Variants in MAGEB10 observed in about 807,000 individuals in gnomAD.
MAGEB10 encodes the protein MAGE family member B10.
For missense variants in MAGEB10, 190 were observed against 261.9 expected (o/e 0.73, Z 1.89); for synonymous variants, 99 against 101.0 (o/e 0.98, Z 0.12).
At chrX:27,814,548 A>G (rs922726362) in intron 1 of MAGEB10, among the ~76,000 whole-genome samples, 2 of 112,028 alleles carry the variant, frequency 1.8e-5, no homozygotes, top group African/African-American at 6.5e-5. Flanking sequence ...ATATTTTCGG[A>G]CATCTCTTGC....
chrX:27,822,145 A>G lies in MAGEB10; in HGVS notation c.839A>G (p.His280Arg). 2 of 1,212,190 alleles carry G rather than the reference A, an allele frequency of 1.6e-6. No homozygotes were observed. Among genetic ancestry groups the G allele is most frequent in the South Asian group, 1.8e-5 (1 of 57,023 alleles). Residue 280 changes from histidine (H) to arginine (R), a missense_variant, in exon 3 of 3, where the codon CAT becomes CGT. Coordinates refer to ENST00000356790, the MANE Select transcript of MAGEB10 (RefSeq NM_182506.3). ...RYQFLWGPRAHAETSKMKVLE... is the reference protein window; with the variant it reads ...RYQFLWGPRARAETSKMKVLE... ...CAATTCCTATGGGGCCCAAGAGCCC[A>G]TGCTGAAACCAGCAAGATGAAAGTT...
intron 2 of MAGEB10, among the ~76,000 whole-genome samples, chrX:27,819,453 C>T (rs1427940452): frequency 9.0e-6 from 1 of 111,315 alleles, no homozygotes; most frequent in Non-Finnish European, 1.9e-5. Context: ...AAGAGAGTTC[C>T]AGAGATTTCC....
intron 2 of MAGEB10, among the ~76,000 whole-genome samples, chrX:27,818,820 C>T (rs55758460): frequency 0.37 from 40,362 of 110,562 alleles, 6,488 homozygotes; most frequent in Non-Finnish European, 0.5. Flanking sequence ...TGACTTGATT[C>T]GAATCAACTG....
chrX:27,820,136 A>G (rs1923855798), intron 2 of MAGEB10, among the ~76,000 whole-genome samples: 1 of 111,710 alleles, frequency 9.0e-6, no homozygotes, highest in Non-Finnish European at 1.9e-5. Context: ...GAGTGAGATC[A>G]GAAGGAACCA....
intron 1 of MAGEB10, among the ~76,000 whole-genome samples, chrX:27,815,582 CT>C (rs1207437802): frequency 8.9e-6 from 1 of 112,110 alleles, no homozygotes; most frequent in Admixed American, 9.4e-5. Context: ...AATCCATACA[CT>C]AGTGAGCTTA....
intron 1 of MAGEB10, among the ~76,000 whole-genome samples, chrX:27,813,297 AT>A (rs1314751490): frequency 8.9e-6 from 1 of 112,216 alleles, no homozygotes; most frequent in East Asian, 2.8e-4. Context: ...TAGAGGTAAA[AT>A]GTAAAAGATG....
chrX:27,809,403 C>CG (rs1321009326), intron 1 of MAGEB10, among the ~76,000 whole-genome samples: 1 of 48,801 alleles, frequency 2.0e-5, no homozygotes, highest in African/African-American at 9.1e-5. Context: ...CCAGCCCCCT[C>CG]CAACCCCGCC....
intron 1 of MAGEB10, among the ~76,000 whole-genome samples, chrX:27,809,945 T>C (rs1456969187): frequency 1.8e-5 from 2 of 109,936 alleles, no homozygotes. Context: ...AACCCTTGTG[T>C]CAACACTCTG....
chrX:27,820,733 C>T (rs1923869922), intron 2 of MAGEB10, among the ~76,000 whole-genome samples: 1 of 111,096 alleles, frequency 9.0e-6, no homozygotes, highest in Non-Finnish European at 1.9e-5. Context: ...TAGCAGAAGC[C>T]AAGGTGAAAA....
Position 27,821,527 on chromosome X carries a change from C to T in MAGEB10, c.221C>T (p.Ala74Val). 1.7e-6 allele frequency: 2 copies of T among 1,210,885 alleles called. No individual in the cohort carries two copies. Among genetic ancestry groups the T allele is most frequent in the Non-Finnish European group, 2.2e-6 (2 of 895,109 alleles). The change falls in exon 3 of 3, where the codon GCT becomes GTT. Residue 74 changes from alanine to valine, a missense_variant. Ala to Val is a moderately conservative substitution (Grantham distance 64, BLOSUM62 0). Transcript: ENST00000356790. ...GAAGCCCAATCCACCAGCACATCTG[C>T]TACAGCTGCTTCACACACAAGACAT... Reference protein sequence around the residue: ...LREAQSTSTSATAASHTRHPE... With the variant: ...LREAQSTSTSVTAASHTRHPE...
intron 1 of MAGEB10, among the ~76,000 whole-genome samples, chrX:27,810,654 A>C (rs1304351543): frequency 3.6e-5 from 4 of 111,251 alleles, no homozygotes; most frequent in Non-Finnish European, 7.5e-5. Flanking sequence ...CAGTGGAAGG[A>C]GTCTTTGGGG....
intron 2 of MAGEB10, among the ~76,000 whole-genome samples, chrX:27,820,295 A>G (rs1209274987): frequency 8.9e-6 from 1 of 111,873 alleles, no homozygotes; most frequent in African/African-American, 3.3e-5. Context: ...CAGAGGAGCT[A>G]TTTTGAGGCC....
intron 1 of MAGEB10, among the ~76,000 whole-genome samples, chrX:27,813,995 GC>G (rs756997461): frequency 3.5e-4 from 39 of 111,596 alleles, no homozygotes; most frequent in Non-Finnish European, 6.4e-4. Context: ...ACATGAATGT[GC>G]TCAAAAGCCA....
intron 1 of MAGEB10, among the ~76,000 whole-genome samples, chrX:27,813,794 C>A (rs1250804080): frequency 1.8e-5 from 2 of 111,544 alleles, no homozygotes; most frequent in Non-Finnish European, 1.9e-5. Flanking sequence ...AAGACTAATG[C>A]CTAGAATGAA....
intron 2 of MAGEB10, among the ~76,000 whole-genome samples, chrX:27,818,781 A>G (rs1923829049): frequency 8.9e-6 from 1 of 111,889 alleles, no homozygotes; most frequent in Admixed American, 9.4e-5. Flanking sequence ...GTGGAGTCCA[A>G]ATCTCTATCT....
chrX:27,812,897 G>A (rs1241951331), intron 1 of MAGEB10: 5 of 221,248 alleles, frequency 2.3e-5, no homozygotes, highest in East Asian at 1.1e-4. Context: ...CCAAGGCCAC[G>A]TCCAGCAGCC....
At chrX:27,808,192 T>A (rs1602858654) in intron 1 of MAGEB10, among the ~76,000 whole-genome samples, 156 bp downstream of exon 1, 1 of 111,781 alleles carries the variant, frequency 8.9e-6, no homozygotes, top group Non-Finnish European at 1.9e-5. Context: ...GTCAGGGAAG[T>A]GATAGCATTG....
intron 2 of MAGEB10, among the ~76,000 whole-genome samples, chrX:27,818,017 G>A (rs778178890): frequency 1.6e-4 from 18 of 110,788 alleles, no homozygotes; most frequent in Non-Finnish European, 2.6e-4. Context: ...ACAAGAAGGA[G>A]TAAAGATGAG....
intron 1 of MAGEB10, among the ~76,000 whole-genome samples, chrX:27,809,261 G>A (rs1923607686): frequency 9.1e-6 from 1 of 109,475 alleles, no homozygotes; most frequent in African/African-American, 3.3e-5. Flanking sequence ...GGCCCAGGCA[G>A]TGAGGGGCTT....
Sources: allele counts gnomAD v4.1 joint callset (sites outside exome capture counted in the v4.1 genomes callset), GRCh38; gene constraint gnomAD v4.1.1; transcripts MANE v1.5; gene names NCBI Gene and HGNC (gene_info 2026-07-23, HGNC 2026-07-21).